MAT1A: variants seen among roughly 807,000 people sequenced by gnomAD.
The protein encoded by MAT1A is S-adenosylmethionine synthase isoform type-1.
Under a neutral mutation model 44.0 loss-of-function variants are expected in MAT1A, and 19 were observed. The observed-to-expected ratio is 0.43, with a 90% CI of 0.30 to 0.63. MAT1A has a LOEUF of 0.63. Among genes scored for constraint, MAT1A ranks in the 30% least tolerant of loss-of-function variants. MAT1A has a pLI of 0.12. For missense variants in MAT1A, 397 were observed against 531.0 expected (o/e 0.75, Z 2.48); for synonymous variants, 205 against 205.6 (o/e 1.00, Z 0.03).
chr10:80,289,495 TTTC>T lies in MAT1A; in HGVS notation c.-75_-73del, dbSNP rs10694757. ...GGCTGTGACTTTGCCTGAGTTTTTT[TTTC>T]TTCTTCTTCTTCTTCTTTCAACCCA... On this transcript the variant is annotated 5_prime_UTR_variant, in exon 1 of 9. Transcript: ENST00000372213. 5.9e-4 allele frequency: 505 copies of T among 860,236 alleles called. 2 individuals carry two copies. The highest frequency in any genetic ancestry group is 8.3e-4 in the Non-Finnish European group (430 of 518,560). 53.3% of individuals were successfully genotyped at this position (860,236 alleles called of 1,614,324 possible).
chr10:80,286,335 G>C (rs1174621672), intron 1 of MAT1A, among the ~76,000 whole-genome samples: 1 of 152,206 alleles, frequency 6.6e-6, no homozygotes, highest in Non-Finnish European at 1.5e-5. Flanking sequence ...CAGCTGCATT[G>C]CATGGCAGGT....
At chr10:80,277,137 C>A (rs1841500432) in intron 5 of MAT1A, among the ~76,000 whole-genome samples, 1 of 152,232 alleles carries the variant, frequency 6.6e-6, no homozygotes, top group Admixed American at 6.5e-5. Flanking sequence ...CCTGTGCTGG[C>A]CACAGGCCCA....
chr10:80,288,034 T>C (rs770694790), intron 1 of MAT1A, among the ~76,000 whole-genome samples: 8 of 151,970 alleles, frequency 5.3e-5, no homozygotes, highest in Non-Finnish European at 1.2e-4. Context: ...CTCTTGGGGG[T>C]TGTGGGGCAA....
At chr10:80,289,075 C>T (rs1214771031) in intron 1 of MAT1A, among the ~76,000 whole-genome samples, 1 of 152,166 alleles carries the variant, frequency 6.6e-6, no homozygotes, top group East Asian at 1.9e-4. Flanking sequence ...CATTCCATTG[C>T]GCAGTAGGGT....
chr10:80,284,102 C>A, intron 2 of MAT1A, 64 bp from the exon 3 acceptor site: 1 of 1,592,284 alleles, frequency 6.3e-7, no homozygotes, highest in East Asian at 2.3e-5. Context: ...AGCTCACATT[C>A]CCAGACCTCT....
chr10:80,276,463 G>A lies in MAT1A; in HGVS notation c.681C>T (p.Ile227=), dbSNP rs1841486729. ...GGTACTTGGCCGGCACCACGGCCCT[G>A]ATGACTTGCTCCTTCAGGGCCCTGC... The part of the protein sequence containing the change: ...EMRRALKEQV[I]RAVVPAKYLD... Residue 227 remains isoleucine, a synonymous_variant, in exon 6 of 9, where the codon ATC becomes ATT. Transcript: ENST00000372213. 1 of 1,614,080 alleles carries A rather than the reference G, an allele frequency of 6.2e-7. No individual in the cohort carries two copies. The highest frequency in any genetic ancestry group is 1.7e-5 in the Admixed American group (1 of 60,014).
At chr10:80,279,760 C>CAGACAGACAACAT (rs1841535043) in intron 5 of MAT1A, among the ~76,000 whole-genome samples, 1 of 151,726 alleles carries the variant, frequency 6.6e-6, no homozygotes, top group South Asian at 2.1e-4. Flanking sequence ...ACAGACAGCA[C>CAGACAGACAACAT]AGACACAGCA....
chr10:80,288,257 C>G (rs1450960096), intron 1 of MAT1A, among the ~76,000 whole-genome samples: 1 of 152,178 alleles, frequency 6.6e-6, no homozygotes, highest in Admixed American at 6.5e-5. Flanking sequence ...ACATCTATCC[C>G]CCAGGGGTCT....
chr10:80,274,373 G>T, intron 8 of MAT1A, 147 bp downstream of exon 8: 1 of 1,151,914 alleles, frequency 8.7e-7, no homozygotes. Context: ...CTGCACTGGG[G>T]ATGCACTGTG....
chr10:80,273,967 A>C, intron 8 of MAT1A, 84 bp from the exon 9 acceptor site: 1 of 940,344 alleles, frequency 1.1e-6, no homozygotes, highest in Admixed American at 1.7e-5. Flanking sequence ...AGGAGGGAGC[A>C]ACGAACTGTA....
At chr10:80,276,111 G>T (rs1049575213) in intron 6 of MAT1A, among the ~76,000 whole-genome samples, 2 of 152,182 alleles carry the variant, frequency 1.3e-5, no homozygotes, top group Admixed American at 6.5e-5. Context: ...ACTTGAGATG[G>T]CAGGAGTGGG....
chr10:80,272,181 C>CCCAGCCTGAA lies in MAT1A; in HGVS notation c.*1599_*1600insTTCAGGCTGG, dbSNP rs145159688. 64,712 of 151,772 alleles carry CCCAGCCTGAA rather than the reference C, an allele frequency of 0.43. 14,383 individuals carry two copies. Among genetic ancestry groups the CCCAGCCTGAA allele is most frequent in the South Asian group, 0.59 (2,858 of 4,816 alleles). The allele number at this position is 151,772 out of a possible 1,614,324, so 9.4% of individuals were successfully genotyped here. ...AGATGAGACTTCCTGGGCTGCCTCTCCCAGCACCATGTACCCTAGAGAGAG... is the reference window on the plus strand; with the variant it reads ...AGATGAGACTTCCTGGGCTGCCTCTCCCAGCCTGAACCAGCACCATGTACCCTAGAGAGAG... On this transcript the variant is annotated 3_prime_UTR_variant, in exon 9 of 9. Coordinates refer to ENST00000372213, the MANE Select transcript of MAT1A (RefSeq NM_000429.3).
intron 1 of MAT1A, 55 bp downstream of exon 1, chr10:80,289,278 C>T: frequency 1.4e-6 from 2 of 1,400,234 alleles, no homozygotes; most frequent in Non-Finnish European, 2.0e-6. Context: ...AAGTGACTCC[C>T]TCAGTATAGG....
Position 80,276,412 on chromosome 10 carries a change from C to T in MAT1A, c.732G>A (p.Leu244=). ...KYLDEDTVYH[L]QPSGRFVIGG... The stretch of plus-strand genomic sequence containing the variant: ...CGATGACAAACCGCCCACTGGGCTG[C>T]AGGTGGTAGACGGTGTCTTCGTCCA... Residue 244 remains leucine, a synonymous_variant, in exon 6 of 9, where the codon CTG becomes CTA. Transcript: ENST00000372213. 2 of 1,614,176 alleles carry T rather than the reference C, an allele frequency of 1.2e-6. No individual in the cohort carries two copies. The highest frequency in any genetic ancestry group is 8.5e-7 in the Non-Finnish European group (1 of 1,180,046).
chr10:80,285,631 G>C (rs557162328), intron 1 of MAT1A, 42 bp from the exon 2 acceptor site: 4 of 1,309,582 alleles, frequency 3.1e-6, no homozygotes, highest in Non-Finnish European at 4.4e-6. Context: ...AAAAATATTC[G>C]GGATAACAAA....
intron 6 of MAT1A, 54 bp from the exon 7 acceptor site, chr10:80,275,253 AG>A: frequency 6.8e-7 from 1 of 1,466,216 alleles, no homozygotes; most frequent in African/African-American, 1.4e-5. Context: ...TAGATGCTGG[AG>A]GGGGCTGAAG....
intron 6 of MAT1A, 196 bp from the exon 7 acceptor site, chr10:80,275,395 C>T (rs965561875): frequency 1.6e-6 from 1 of 620,002 alleles, no homozygotes. Context: ...ATATTGAAAA[C>T]AGGTAACCTG....
chr10:80,275,664 A>T (rs1407437621), intron 6 of MAT1A, among the ~76,000 whole-genome samples: 1 of 152,224 alleles, frequency 6.6e-6, no homozygotes, highest in Non-Finnish European at 1.5e-5. Context: ...GATTTGGGGA[A>T]GTCTGCCTGC....
chr10:80,281,156 C>T lies in MAT1A; in HGVS notation c.293-364G>A, dbSNP rs932770788. Among the ~76,000 whole-genome samples the T allele has an allele frequency of 3.3e-5, 5 of 152,212 alleles. No homozygotes were observed. In the South Asian group the frequency reaches 6.2e-4, roughly 19 times the overall value. ...TGACTCATACCCTGCCCCTCAGGCT[C>T]TCCCACAGGTGCCTCCCAGAATCTA... On this transcript the variant is annotated intron_variant, in intron 3 of 8. Coordinates refer to ENST00000372213, the MANE Select transcript of MAT1A (RefSeq NM_000429.3).
Sources: gnomAD v4.1 joint callset for allele counts (sites outside exome capture counted in the v4.1 genomes callset) on GRCh38, gnomAD v4.1.1 for gene constraint, MANE v1.5 for transcripts, NCBI Gene and HGNC (gene_info 2026-07-23, HGNC 2026-07-21) for gene names.